The following FANCM variants were observed in gnomAD, a reference collection of about 807,000 sequenced individuals.
FANCM encodes the protein Fanconi anemia group M protein.
In FANCM, 140 loss-of-function variants were observed where a neutral mutation model predicts 199.5. The ratio of observed to expected loss-of-function variants is 0.70; its 90% confidence interval spans 0.61 to 0.81. The LOEUF (loss-of-function observed/expected upper bound fraction) is 0.81. Ranked by LOEUF, FANCM falls within the 30% of genes least tolerant of loss-of-function variation. The pLI, the probability that FANCM is intolerant of heterozygous loss-of-function variation, is 0.00. For missense variants in FANCM, 2,410 were observed against 2,421.4 expected (o/e 1.00, Z 0.10); for synonymous variants, 840 against 836.8 (o/e 1.00, Z -0.07).
At chr14:45,149,738 T>C (rs1208065196) in intron 4 of FANCM, among the ~76,000 whole-genome samples, 1 of 152,126 alleles carries the variant, frequency 6.6e-6, no homozygotes, top group African/African-American at 2.4e-5. Flanking sequence ...CAGCAGTGCT[T>C]TTCATCTGGA....
intron 3 of FANCM, among the ~76,000 whole-genome samples, chr14:45,145,842 G>C (rs1886326358): frequency 6.6e-6 from 1 of 151,886 alleles, no homozygotes; most frequent in Non-Finnish European, 1.5e-5. Context: ...GGCGGATCAC[G>C]AGGTCAGGAG....
At chr14:45,142,553 G>A (rs547561532) in intron 3 of FANCM, among the ~76,000 whole-genome samples, 9 of 151,934 alleles carry the variant, frequency 5.9e-5, no homozygotes, top group East Asian at 1.9e-4. Context: ...TGATCCACCC[G>A]CCCCGGCCTC....
chr14:45,189,102 A>G lies in FANCM; in HGVS notation c.5080A>G (p.Thr1694Ala). 1 of 1,614,220 alleles carries G rather than the reference A, an allele frequency of 6.2e-7. No homozygotes were observed. The highest frequency in any genetic ancestry group is 1.3e-5 in the African/African-American group (1 of 75,076). Residue 1694 changes from threonine (T) to alanine (A), a missense_variant, in exon 20 of 23, where the codon ACT becomes GCT. Thr to Ala is a moderately conservative substitution (Grantham distance 58). Transcript: ENST00000267430. ...RESNIAVNPS[T>A]VKKNKQQDHC... is the part of the protein sequence containing the mutation. Reference sequence around the variant, plus strand: ...ATCTAATATTGCGGTTAACCCAAGCACTGTTAAGAAGAACAAACAACAGGA... The same window carrying G: ...ATCTAATATTGCGGTTAACCCAAGCGCTGTTAAGAAGAACAAACAACAGGA...
At chr14:45,199,768 G>T (rs564654872) in intron 22 of FANCM, 102 bp from the exon 23 acceptor site, 10 of 1,016,800 alleles carry the variant, frequency 9.8e-6, no homozygotes, top group Admixed American at 8.8e-5. Context: ...TGCTTGAGAT[G>T]ATTTCCTTAA....
chr14:45,149,790 A>G (rs750243380), intron 4 of FANCM, among the ~76,000 whole-genome samples: 9 of 151,726 alleles, frequency 5.9e-5, no homozygotes, highest in Non-Finnish European at 1.3e-4. Context: ...ATGACTTGAC[A>G]CATTTTTGGT....
chr14:45,150,064 T>C (rs1343023329), intron 4 of FANCM, among the ~76,000 whole-genome samples: 1 of 152,212 alleles, frequency 6.6e-6, no homozygotes, highest in Non-Finnish European at 1.5e-5. Flanking sequence ...TCATAATTAG[T>C]GTCATGGTTG....
chr14:45,176,792 A>C lies in FANCM; in HGVS notation c.4038A>C (p.Thr1346=), dbSNP rs1199368162. The change falls in exon 14 of 23, where the codon ACA becomes ACC. Residue 1346 remains threonine (T), a synonymous_variant. Coordinates refer to ENST00000267430, the MANE Select transcript of FANCM (RefSeq NM_020937.4). ...VMSTPLSKSN[T]LNSFSKIRKE... is the part of the protein sequence containing the mutation. ...GTACACCACTCTCTAAATCAAACAC[A>C]TTGAACTCATTTTCTAAGATAAGAA... 1 of 1,607,578 alleles carries C rather than the reference A, an allele frequency of 6.2e-7. No individual in the cohort carries two copies. The highest frequency in any genetic ancestry group is 8.5e-7 in the Non-Finnish European group (1 of 1,177,044).
At chr14:45,162,579 G>A (rs1374405696) in intron 9 of FANCM, among the ~76,000 whole-genome samples, 1 of 152,130 alleles carries the variant, frequency 6.6e-6, no homozygotes, top group Non-Finnish European at 1.5e-5. Flanking sequence ...CTTGTTGTCA[G>A]CTAGTAATAA....
chr14:45,178,622 C>G (rs1347884719), intron 14 of FANCM, among the ~76,000 whole-genome samples: 1 of 152,094 alleles, frequency 6.6e-6, no homozygotes, highest in Admixed American at 6.5e-5. Context: ...ATAGCCGAGT[C>G]CTGCATTTAA....
intron 11 of FANCM, among the ~76,000 whole-genome samples, chr14:45,169,379 A>G (rs886736110): frequency 1.4e-4 from 19 of 140,120 alleles, no homozygotes; most frequent in African/African-American, 4.0e-4. Flanking sequence ...TTATTTATTT[A>G]TTTGTTTTTT....
At chr14:45,156,858 C>T (rs771250362) in intron 8 of FANCM, among the ~76,000 whole-genome samples, 45 of 131,774 alleles carry the variant, frequency 3.4e-4, no homozygotes, top group Admixed American at 1.9e-3. Flanking sequence ...ACGGAGGTTG[C>T]GGTAAGCCAA....
Position 45,170,619 on chromosome 14 carries a change from G to T in FANCM, c.2033G>T (p.Trp678Leu). Residue 678 changes from tryptophan to leucine, a missense_variant, in exon 12 of 23, where the codon TGG becomes TTG. Coordinates refer to ENST00000267430, the MANE Select transcript of FANCM (RefSeq NM_020937.4). ...AGGCAAAGTAGCCTAAAGAAAGATT[G>T]GTTCTTATCAGAAGAAGAATTTAAA... ...GMRQSSLKKDWFLSEEEFKLW... is the reference protein window; with the variant it reads ...GMRQSSLKKDLFLSEEEFKLW... 6.3e-7 allele frequency: 1 copy of T among 1,598,854 alleles called. No homozygotes were observed. The highest frequency in any genetic ancestry group is 1.1e-5 in the South Asian group (1 of 90,638).
intron 19 of FANCM, 58 bp from the exon 20 acceptor site, chr14:45,188,744 T>C (rs1308825980): frequency 1.5e-6 from 2 of 1,298,686 alleles, no homozygotes; most frequent in East Asian, 4.7e-5. Context: ...GAAGTATATT[T>C]TAAATACCTG....
chr14:45,146,240 GAAAAAA>G lies in FANCM; in HGVS notation c.760-2583_760-2578del, dbSNP rs143430263. On this transcript the variant is annotated intron_variant, in intron 3 of 22. Transcript: ENST00000267430. ...TGGGTGACAGAGTGAGACTCCGTCTGAAAAAAAAAAAAAAAAAAAGGATTGTGTTTC... is the reference window on the plus strand; with the variant it reads ...TGGGTGACAGAGTGAGACTCCGTCTGAAAAAAAAAAAAAGGATTGTGTTTC... Among the ~76,000 whole-genome samples the G allele has an allele frequency of 1.2e-3, 110 of 93,180 alleles. 2 individuals carry two copies. Among genetic ancestry groups the G allele is most frequent in the African/African-American group, 4.1e-3 (100 of 24,200 alleles). The allele number at this position is 93,180 out of a possible 152,430, so 61.1% of individuals were successfully genotyped here. A position where few individuals can be genotyped will look rare whatever the true frequency, so the allele number is the denominator to read the frequency against.
Position 45,198,884 on chromosome 14 carries a change from C to T in FANCM, c.5957C>T (p.Thr1986Ile), listed in dbSNP as rs1890216813. 2 of 1,610,898 alleles carry T rather than the reference C, an allele frequency of 1.2e-6. No homozygotes were observed. Among genetic ancestry groups the T allele is most frequent in the Admixed American group, 1.7e-5 (1 of 59,978 alleles). Reference protein sequence around the residue: ...YLSIPNISYITALNMCHQFSS... With the variant: ...YLSIPNISYIIALNMCHQFSS... Reference sequence around the variant, plus strand: ...AGTATTCCCAATATAAGTTATATAACTGCATTAAATATGTGTCACCAGTTT... The same window carrying T: ...AGTATTCCCAATATAAGTTATATAATTGCATTAAATATGTGTCACCAGTTT... Residue 1986 changes from threonine (T) to isoleucine (I), a missense_variant, in exon 22 of 23, where the codon ACT (threonine) becomes ATT (isoleucine). Transcript: ENST00000267430.
At chr14:45,183,050 A>C (rs1889168384) in intron 16 of FANCM, among the ~76,000 whole-genome samples, 1 of 152,198 alleles carries the variant, frequency 6.6e-6, no homozygotes, top group Admixed American at 6.5e-5. Flanking sequence ...AAAATCATTA[A>C]GTTGAACCAT....
intron 11 of FANCM, 121 bp downstream of exon 11, chr14:45,167,284 G>GC: frequency 1.4e-6 from 1 of 705,050 alleles, no homozygotes; most frequent in African/African-American, 1.8e-5. Flanking sequence ...TATATTATAG[G>GC]CATTCTCTTT....
intron 18 of FANCM, 136 bp downstream of exon 18, chr14:45,185,509 T>C (rs1304175830): frequency 1.8e-6 from 1 of 567,332 alleles, no homozygotes; most frequent in African/African-American, 1.9e-5. Flanking sequence ...TATTTGGTCA[T>C]TTTCATTCAA....
At chr14:45,145,142 A>G (rs971787088) in intron 3 of FANCM, among the ~76,000 whole-genome samples, 1 of 151,888 alleles carries the variant, frequency 6.6e-6, no homozygotes, top group African/African-American at 2.4e-5. Context: ...AGCTAGGGTC[A>G]GGAACGGAGA....
Sources: gnomAD v4.1 joint callset for allele counts (sites outside exome capture counted in the v4.1 genomes callset) on GRCh38, gnomAD v4.1.1 for gene constraint, MANE v1.5 for transcripts, NCBI Gene and HGNC (gene_info 2026-07-23, HGNC 2026-07-21) for gene names.